ULK4: variants seen among roughly 807,000 people sequenced by gnomAD.
ULK4 encodes the protein inactive serine/threonine-protein kinase ULK4.
A neutral mutation model predicts 160.6 loss-of-function variants in ULK4; 133 were observed. The observed-to-expected ratio is 0.83, with a 90% CI of 0.72 to 0.96. The LOEUF (loss-of-function observed/expected upper bound fraction) is 0.96. ULK4 is among the 40% of genes least tolerant of loss of function. The pLI, the probability that ULK4 is intolerant of heterozygous loss-of-function variation, is 0.00. For missense variants in ULK4, 1,580 were observed against 1,499.5 expected (o/e 1.05, Z -0.89); for synonymous variants, 534 against 539.8 (o/e 0.99, Z 0.15).
chr3:41,376,797 A>G (rs11486568), intron 35 of ULK4, among the ~76,000 whole-genome samples: 5,716 of 149,864 alleles, frequency 0.038, 635 homozygotes, highest in African/African-American at 0.13. Context: ...TGGCCATAAT[A>G]CCCAAGGTAA....
At chr3:41,497,915 C>T (rs959044196) in intron 32 of ULK4, among the ~76,000 whole-genome samples, 2 of 151,996 alleles carry the variant, frequency 1.3e-5, no homozygotes, top group Admixed American at 1.3e-4. Flanking sequence ...TGTAAAGCAA[C>T]AACTGATATA....
chr3:41,710,877 G>C lies in ULK4; in HGVS notation c.2634+4360C>G, dbSNP rs574412452. On this transcript the variant is annotated intron_variant, in intron 25 of 36. Coordinates refer to ENST00000301831, the MANE Select transcript of ULK4 (RefSeq NM_017886.4). ...GAGAAAGTGAAAAAGCAGAGCCCTG[G>C]CAGGGCAGGATGGTGAGCAGAAAGC... Among the ~76,000 whole-genome samples, 3 of 152,210 alleles carry C rather than the reference G, an allele frequency of 2.0e-5. No homozygotes were observed. The South Asian group carries it at 6.2e-4, about 32-fold the overall frequency.
At chr3:41,816,619 A>G (rs1423595259) in intron 19 of ULK4, among the ~76,000 whole-genome samples, 3 of 152,116 alleles carry the variant, frequency 2.0e-5, no homozygotes, top group Non-Finnish European at 2.9e-5. Context: ...GTTCAAGACT[A>G]GCCTGGGCGA....
chr3:41,485,730 C>T (rs934473300), intron 32 of ULK4, among the ~76,000 whole-genome samples: 2 of 152,152 alleles, frequency 1.3e-5, no homozygotes, highest in Non-Finnish European at 2.9e-5. Context: ...GAGCGCATTT[C>T]ATTTTCAGTT....
intron 11 of ULK4, among the ~76,000 whole-genome samples, chr3:41,909,176 G>A (rs1263069156): frequency 5.9e-5 from 9 of 151,354 alleles, no homozygotes; most frequent in African/African-American, 1.9e-4. Flanking sequence ...CAGAAGAATA[G>A]CTTAAACAGT....
chr3:41,672,626 T>C (rs748195189), intron 29 of ULK4, among the ~76,000 whole-genome samples: 1 of 152,152 alleles, frequency 6.6e-6, no homozygotes, highest in Non-Finnish European at 1.5e-5. Context: ...ATAGTTCTAC[T>C]CTTTGATAGA....
intron 35 of ULK4, among the ~76,000 whole-genome samples, chr3:41,348,972 A>G (rs1338620314): frequency 6.6e-6 from 1 of 152,150 alleles, no homozygotes; most frequent in African/African-American, 2.4e-5. Context: ...AAGGAACCAA[A>G]GCATCCTTAT....
At chr3:41,529,663 C>T (rs1230857561) in intron 32 of ULK4, among the ~76,000 whole-genome samples, 3 of 152,034 alleles carry the variant, frequency 2.0e-5, no homozygotes, top group Non-Finnish European at 4.4e-5. Context: ...TCTTTTTCCC[C>T]CATATTTTTA....
At chr3:41,874,730 A>G (rs182772135) in intron 17 of ULK4, among the ~76,000 whole-genome samples, 1 of 152,216 alleles carries the variant, frequency 6.6e-6, no homozygotes, top group Admixed American at 6.5e-5. Context: ...AGAGGGATTA[A>G]AAAGACTACA....
chr3:41,621,498 A>G (rs906714536), intron 30 of ULK4, among the ~76,000 whole-genome samples: 4 of 152,232 alleles, frequency 2.6e-5, no homozygotes, highest in African/African-American at 9.6e-5. Context: ...AAACCTGACA[A>G]AAACAAAAAT....
rs941178372 is a variant in ULK4, at chr3:41,274,637, T to C, written c.3679-25063A>G. Among the ~76,000 whole-genome samples the C allele has an allele frequency of 3.3e-5, 5 of 152,232 alleles. 1 individual carries two copies. In the South Asian group the frequency reaches 1.0e-3, roughly 31 times the overall value. On this transcript the variant is annotated intron_variant, in intron 35 of 36. Transcript: ENST00000301831. Reference sequence around the variant, plus strand: ...TTTTGGCACAGATACAGCCCAATTATTGTGGGCCTTGGCCTAGAATACACG... The same window carrying C: ...TTTTGGCACAGATACAGCCCAATTACTGTGGGCCTTGGCCTAGAATACACG...
chr3:41,588,404 C>A (rs898055973), intron 31 of ULK4, among the ~76,000 whole-genome samples: 1 of 152,110 alleles, frequency 6.6e-6, no homozygotes, highest in Non-Finnish European at 1.5e-5. Context: ...CAAATTTTCA[C>A]AGAAAAATTA....
intron 27 of ULK4, among the ~76,000 whole-genome samples, chr3:41,691,648 T>C (rs968072668): frequency 6.6e-6 from 1 of 151,922 alleles, no homozygotes; most frequent in Non-Finnish European, 1.5e-5. Context: ...TTAACATCCA[T>C]TGATTTTTAT....
At chr3:41,814,186 T>C (rs1357859210) in intron 19 of ULK4, among the ~76,000 whole-genome samples, 7 of 152,344 alleles carry the variant, frequency 4.6e-5, no homozygotes, top group Non-Finnish European at 4.4e-5. Flanking sequence ...TATCTGTATG[T>C]AGTATCTTTC....
At chr3:41,307,005 ACTGCGGAAGGCCGCAGGGTC>A in intron 35 of ULK4, among the ~76,000 whole-genome samples, 1 of 150,932 alleles carries the variant, frequency 6.6e-6, no homozygotes. Flanking sequence ...GGACACAAAC[ACTGCGGAAGGCCGCAGGGTC>A]CTCTGCCTAG....
At chr3:41,508,811 G>C (rs1252434996) in intron 32 of ULK4, among the ~76,000 whole-genome samples, 2 of 152,100 alleles carry the variant, frequency 1.3e-5, no homozygotes, top group Non-Finnish European at 2.9e-5. Context: ...TGGGACAAAA[G>C]AATCTGAACA....
intron 31 of ULK4, among the ~76,000 whole-genome samples, chr3:41,580,867 C>G (rs2030265686): frequency 6.6e-6 from 1 of 152,108 alleles, no homozygotes; most frequent in Non-Finnish European, 1.5e-5. Flanking sequence ...ATGCTAAACC[C>G]AATGCTGTAT....
chr3:41,583,503 TTATAC>T (rs1327412963), intron 31 of ULK4, among the ~76,000 whole-genome samples: 2 of 152,218 alleles, frequency 1.3e-5, no homozygotes, highest in African/African-American at 4.8e-5. Flanking sequence ...AAGGAAAGCA[TTATAC>T]TATAATTATA....
intron 35 of ULK4, among the ~76,000 whole-genome samples, chr3:41,305,261 C>G (rs552576620): frequency 1.4e-5 from 2 of 141,334 alleles, no homozygotes; most frequent in African/African-American, 2.7e-5. Context: ...TCTCTTTCCA[C>G]AGTCTCCCTC....
Sources: allele counts gnomAD v4.1 joint callset (sites outside exome capture counted in the v4.1 genomes callset), GRCh38; gene constraint gnomAD v4.1.1; transcripts MANE v1.5; gene names NCBI Gene and HGNC (gene_info 2026-07-23, HGNC 2026-07-21).